The following WDR36 variants were observed in gnomAD, a reference collection of about 807,000 sequenced individuals.
WDR36 encodes the protein WD repeat domain 36, also known as WD repeat-containing protein 36.
Under a neutral mutation model 112.7 loss-of-function variants are expected in WDR36, and 63 were observed. The observed-to-expected ratio is 0.56, with a 90% confidence interval of 0.46 to 0.69. The LOEUF (loss-of-function observed/expected upper bound fraction) is 0.69. Among genes scored for constraint, WDR36 ranks in the 30% least tolerant of loss-of-function variants. The probability of loss-of-function intolerance (pLI) is 0.00; values close to 1 mark genes in which losing one functional copy is unlikely to be tolerated. For missense variants in WDR36, 1,226 were observed against 1,070.3 expected (o/e 1.15, Z -2.03); for synonymous variants, 410 against 362.2 (o/e 1.13, Z -1.50).
chr5:111,111,461 G>A lies in WDR36; in HGVS notation c.1716+183G>A, dbSNP rs142043988. 1.3e-3 allele frequency: 731 copies of A among 563,408 alleles called. 3 individuals carry two copies. Among genetic ancestry groups the A allele is most frequent in the African/African-American group, 0.013 (664 of 52,718 alleles). The allele number at this position is 563,408 out of a possible 1,614,324, so 34.9% of individuals were successfully genotyped here. On this transcript the variant is annotated intron_variant, in intron 15 of 22. Coordinates refer to ENST00000513710, the MANE Select transcript of WDR36 (RefSeq NM_139281.3). ...TTAATATTTTTCAGGGAGTTGATGC[G>A]ATCAAATTAAAGTATAAGTTTTAGA...
chr5:111,120,669 C>A, intron 18 of WDR36, 76 bp downstream of exon 18: 1 of 1,240,832 alleles, frequency 8.1e-7, no homozygotes, highest in Non-Finnish European at 1.2e-6. Context: ...CTACCAAAGG[C>A]AAAGTTTAGT....
chr5:111,103,138 C>A (rs1279067466), intron 6 of WDR36, among the ~76,000 whole-genome samples: 4 of 151,652 alleles, frequency 2.6e-5, no homozygotes, highest in Admixed American at 6.6e-5. Flanking sequence ...GCATAGTAGA[C>A]ACTTGATGAC....
Position 111,128,533 on chromosome 5 carries a change from A to G in WDR36, c.*1650A>G, listed in dbSNP as rs143279501. On this transcript the variant is annotated 3_prime_UTR_variant, in exon 23 of 23. Transcript: ENST00000513710. ...TTGGAATATGGCAAAATCCCAATAT[A>G]TAATTCTATACCTAGTAAAGATTGT... The G allele has an allele frequency of 3.8e-4, 68 of 179,144 alleles. No homozygotes were observed. Among genetic ancestry groups the G allele is most frequent in the African/African-American group, 1.5e-3 (62 of 42,546 alleles). The allele number at this position is 179,144 out of a possible 1,614,324, so 11.1% of individuals were successfully genotyped here.
chr5:111,125,911 C>G, intron 22 of WDR36, 116 bp downstream of exon 22: 1 of 1,004,418 alleles, frequency 1.0e-6, no homozygotes, highest in South Asian at 1.3e-5. Flanking sequence ...AGTATCATAG[C>G]CACTTGCCAC....
In WDR36 at chr5:111,126,918, T is replaced by A; in HGVS notation, c.*35T>A. ...TGTGACTAAACAAAGACTTTCATAT[T>A]AAATGGGTTCAATTGAACTCATTTC... On this transcript the variant is annotated 3_prime_UTR_variant, in exon 23 of 23. Transcript: ENST00000513710. The A allele has an allele frequency of 6.5e-7, 1 of 1,540,448 alleles. No individual in the cohort carries two copies. Among genetic ancestry groups the A allele is most frequent in the Non-Finnish European group, 8.8e-7 (1 of 1,136,178 alleles).
At chr5:111,102,886 A>T (rs1045476908) in intron 6 of WDR36, among the ~76,000 whole-genome samples, 13 of 151,702 alleles carry the variant, frequency 8.6e-5, no homozygotes, top group Non-Finnish European at 1.9e-4. Flanking sequence ...AAATGAATGC[A>T]TGTCTACAGC....
At position 111,098,809 on chromosome 5, in the gene WDR36, A is replaced by C. The variant is rs759431275; in HGVS notation, c.379A>C (p.Ile127Leu). 6.2e-6 allele frequency: 10 copies of C among 1,611,020 alleles called. No homozygotes were observed. Among genetic ancestry groups the C allele is most frequent in the Non-Finnish European group, 8.5e-6 (10 of 1,177,406 alleles). ...DHIISVDTDG[I>L]LIIWHIYSEE... The stretch of plus-strand genomic sequence containing the variant: ...CATTATCTCTGTTGATACTGATGGC[A>C]TTCTTATTATTTGGCACATATATTC... Residue 127 changes from isoleucine (I) to leucine (L), a missense_variant, in exon 4 of 23, where the codon ATT (isoleucine) becomes CTT (leucine). By Grantham distance (5) the Ile-to-Leu change is conservative. Transcript: ENST00000513710.
At position 111,103,864 on chromosome 5, in the gene WDR36, T is replaced by C; in HGVS notation, c.676T>C (p.Leu226=). ...IIHNIKFNET[L]MKFRQDWGPI... is the part of the protein sequence containing the mutation. Reference sequence around the variant, plus strand: ...TCACAACATTAAATTTAATGAAACATTAATGAAGTTTCGTCAAGACTGGGG... The same window carrying C: ...TCACAACATTAAATTTAATGAAACACTAATGAAGTTTCGTCAAGACTGGGG... Residue 226 remains leucine (L), a synonymous_variant, in exon 7 of 23, where the codon TTA becomes CTA. Coordinates refer to ENST00000513710, the MANE Select transcript of WDR36 (RefSeq NM_139281.3). 1 of 1,611,412 alleles carries C rather than the reference T, an allele frequency of 6.2e-7. No homozygotes were observed.
chr5:111,104,689 C>T lies in WDR36; in HGVS notation c.907-8C>T, dbSNP rs79464885. 159 of 1,610,630 alleles carry T rather than the reference C, an allele frequency of 9.9e-5. No homozygotes were observed. Among genetic ancestry groups the T allele is most frequent in the South Asian group, 2.2e-4 (20 of 91,046 alleles). ...TGTAGAAGAACTGACGTTTTTATTT[C>T]TTGGCAGATATGGATATTTGATGGT... On this transcript the variant is annotated splice_polypyrimidine_tract_variant and splice_region_variant and intron_variant, in intron 8 of 22. Transcript: ENST00000513710.
chr5:111,092,680 C>A, intron 1 of WDR36, 62 bp downstream of exon 1: 1 of 1,538,414 alleles, frequency 6.5e-7, no homozygotes, highest in Non-Finnish European at 8.8e-7. Context: ...TAACTCTGTC[C>A]TGGAGCAGTC....
intron 2 of WDR36, among the ~76,000 whole-genome samples, chr5:111,096,453 C>G (rs891791855): frequency 2.6e-5 from 4 of 152,126 alleles, no homozygotes; most frequent in Non-Finnish European, 4.4e-5. Flanking sequence ...CCTGTAATCC[C>G]AGCACTTTGG....
intron 16 of WDR36, among the ~76,000 whole-genome samples, chr5:111,115,401 C>A (rs1034916339): frequency 6.6e-6 from 1 of 151,876 alleles, no homozygotes; most frequent in African/African-American, 2.4e-5. Context: ...TGTTATTAGT[C>A]CCATTTCAAA....
At chr5:111,121,205 C>G in intron 19 of WDR36, 64 bp downstream of exon 19, 1 of 1,576,250 alleles carries the variant, frequency 6.3e-7, no homozygotes, top group Non-Finnish European at 8.7e-7. Context: ...TTTTTTTAAG[C>G]AGAGAGAACT....
intron 1 of WDR36, among the ~76,000 whole-genome samples, chr5:111,093,087 A>C (rs1752901967): frequency 6.6e-6 from 1 of 152,240 alleles, no homozygotes; most frequent in South Asian, 2.1e-4. Flanking sequence ...ATCTAATAGC[A>C]ATCAGTTATT....
At chr5:111,116,788 G>C (rs746533420) in intron 16 of WDR36, among the ~76,000 whole-genome samples, 11 of 152,180 alleles carry the variant, frequency 7.2e-5, no homozygotes, top group Admixed American at 1.3e-4. Flanking sequence ...ACACACCACA[G>C]CTGTGGAAAT....
chr5:111,104,815 C>T lies in WDR36; in HGVS notation c.1025C>T (p.Ala342Val). 2 of 1,610,796 alleles carry T rather than the reference C, an allele frequency of 1.2e-6. No homozygotes were observed. Among genetic ancestry groups the T allele is most frequent in the Non-Finnish European group, 1.7e-6 (2 of 1,177,548 alleles). Reference protein sequence around the residue: ...YGQNGQQILSASQDGTLQSFS... With the variant: ...YGQNGQQILSVSQDGTLQSFS... The stretch of plus-strand genomic sequence containing the variant: ...CAGAATGGACAGCAGATTCTAAGTG[C>T]AAGTGAGCTTCTGCTTCATACTATT... Residue 342 changes from alanine (A) to valine (V), a missense_variant and splice_region_variant, in exon 9 of 23, where the codon GCA (alanine) becomes GTA (valine). By Grantham distance (64) the Ala-to-Val change is moderately conservative (BLOSUM62 0). Transcript: ENST00000513710.
rs1232789621 is a variant in WDR36, at chr5:111,129,785, C to CT, written c.*2903dup. ...TAAGACATTTACAGTGTATGTTTTC[C>CT]TATGTTTACATGTGCTCATTTCACG... On this transcript the variant is annotated 3_prime_UTR_variant, in exon 23 of 23. Transcript: ENST00000513710. The CT allele has an allele frequency of 4.9e-6, 1 of 203,058 alleles. No individual in the cohort carries two copies. The highest frequency in any genetic ancestry group is 1.0e-5 in the Non-Finnish European group (1 of 99,068). The allele number at this position is 203,058 out of a possible 1,614,324, so 12.6% of individuals were successfully genotyped here. A position where few individuals can be genotyped will look rare whatever the true frequency, so the allele number is the denominator to read the frequency against.
At position 111,098,776 on chromosome 5, in the gene WDR36, G is replaced by A. The variant is rs1186580839; in HGVS notation, c.346G>A (p.Gly116Arg). 1.2e-6 allele frequency: 2 copies of A among 1,612,892 alleles called. No homozygotes were observed. Among genetic ancestry groups the A allele is most frequent in the African/African-American group, 2.7e-5 (2 of 74,830 alleles). ...AGAAATCCATTTCTTGCAACCCTTTGGAGACCACATTATCTCTGTTGATAC... is the reference window on the plus strand; with the variant it reads ...AGAAATCCATTTCTTGCAACCCTTTAGAGACCACATTATCTCTGTTGATAC... ...KAEIHFLQPF[G>R]DHIISVDTDG... is the part of the protein sequence containing the mutation. The change falls in exon 4 of 23, where the codon GGA becomes AGA. Residue 116 changes from glycine to arginine, a missense_variant. By Grantham distance (125) the Gly-to-Arg change is moderately radical (BLOSUM62 -2). Coordinates refer to ENST00000513710, the MANE Select transcript of WDR36 (RefSeq NM_139281.3).
chr5:111,096,996 A>G (rs1753004824), intron 2 of WDR36, 83 bp from the exon 3 acceptor site: 9 of 909,982 alleles, frequency 9.9e-6, no homozygotes, highest in South Asian at 1.5e-5. Flanking sequence ...AATTATAGCC[A>G]TGAAAAATGT....
Sources: gnomAD v4.1 joint callset for allele counts (sites outside exome capture counted in the v4.1 genomes callset) on GRCh38, gnomAD v4.1.1 for gene constraint, MANE v1.5 for transcripts, NCBI Gene and HGNC (gene_info 2026-07-23, HGNC 2026-07-21) for gene names.